Variants in CEP192 observed in about 807,000 individuals in gnomAD.
The protein encoded by CEP192 is centrosomal protein of 192 kDa.
A neutral mutation model predicts 271.8 loss-of-function variants in CEP192; 151 were observed. That is an observed-to-expected ratio of 0.56 (90% confidence interval 0.49 to 0.64). The LOEUF (loss-of-function observed/expected upper bound fraction) is 0.64, where lower values mean the gene tolerates loss of function less well. Ranked by LOEUF, CEP192 falls within the 30% of genes least tolerant of loss-of-function variation. CEP192 has a pLI of 0.00. For synonymous variants in CEP192, 995 were observed against 1,076.5 expected, an observed-to-expected ratio of 0.92 and a Z score of 1.48; for missense variants, 2,910 against 3,020.5, an observed-to-expected ratio of 0.96 and a Z score of 0.86.
At chr18:13,113,989 G>A in intron 41 of CEP192, 141 bp from the exon 42 acceptor site, 1 of 946,714 alleles carries the variant, frequency 1.1e-6, no homozygotes, top group South Asian at 1.7e-5. Context: ...AGAGTACAGA[G>A]CTTGCAATTT....
intron 30 of CEP192, among the ~76,000 whole-genome samples, chr18:13,086,765 C>G (rs998885185): frequency 6.6e-6 from 1 of 152,186 alleles, no homozygotes; most frequent in Non-Finnish European, 1.5e-5. Flanking sequence ...GTCATCAAAG[C>G]TTGGCTTTTG....
chr18:13,028,650 G>C (rs537096349), intron 9 of CEP192, among the ~76,000 whole-genome samples: 24 of 152,112 alleles, frequency 1.6e-4, no homozygotes, highest in Non-Finnish European at 3.1e-4. Context: ...CTCCCGAGTA[G>C]CTGGGATTAC....
chr18:13,097,979 A>G (rs1264955885), intron 36 of CEP192, among the ~76,000 whole-genome samples: 5 of 152,164 alleles, frequency 3.3e-5, no homozygotes, highest in Non-Finnish European at 5.9e-5. Context: ...ATAGATCAAC[A>G]GGATCCCAAG....
At chr18:13,065,305 T>C (rs1251546654) in intron 21 of CEP192, among the ~76,000 whole-genome samples, 1 of 152,172 alleles carries the variant, frequency 6.6e-6, no homozygotes, top group Admixed American at 6.6e-5. Flanking sequence ...ATATAAAAGT[T>C]TGTGTATGTT....
chr18:13,031,250 T>TTC (rs2035608671), intron 11 of CEP192, among the ~76,000 whole-genome samples: 1 of 143,534 alleles, frequency 7.0e-6, no homozygotes, highest in East Asian at 2.0e-4. Flanking sequence ...GTTGTTTTTT[T>TTC]TTTTTTTTTT....
rs116480561 is a variant in CEP192, at chr18:13,026,055, A to G, written c.1051-3608A>G. Among the ~76,000 whole-genome samples, 1,305 of 152,342 alleles carry G rather than the reference A, an allele frequency of 8.6e-3. 30 individuals carry two copies. Among genetic ancestry groups the G allele is most frequent in the African/African-American group, 0.03 (1,252 of 41,578 alleles). ...TTCTTGCAAGGCAGGTCTGCTGGCA[A>G]CAAATGCCTTCAATTTTTGCTTGTC... On this transcript the variant is annotated intron_variant, in intron 9 of 44. Coordinates refer to ENST00000506447, the MANE Select transcript of CEP192 (RefSeq NM_032142.4).
At chr18:13,120,660 T>C (rs554754124) in intron 44 of CEP192, among the ~76,000 whole-genome samples, 3 of 152,350 alleles carry the variant, frequency 2.0e-5, no homozygotes, top group Admixed American at 6.5e-5. Context: ...AATGAAATAA[T>C]TTTATACTCT....
intron 3 of CEP192, among the ~76,000 whole-genome samples, chr18:13,005,527 G>T (rs112812692): frequency 7.2e-5 from 11 of 152,312 alleles, no homozygotes; most frequent in African/African-American, 2.6e-4. Context: ...GACTCTTGCT[G>T]GAGGCCAGGA....
chr18:13,095,634 C>T lies in CEP192; in HGVS notation c.6386C>T (p.Pro2129Leu), dbSNP rs774368846. 5.6e-6 allele frequency: 9 copies of T among 1,614,058 alleles called. No individual in the cohort carries two copies. The highest frequency in any genetic ancestry group is 1.3e-5 in the African/African-American group (1 of 74,926). Residue 2129 changes from proline (P) to leucine (L), a missense_variant, in exon 35 of 45, where the codon CCG (proline) becomes CTG (leucine). By Grantham distance (98) the Pro-to-Leu change is moderately conservative. Coordinates refer to ENST00000506447, the MANE Select transcript of CEP192 (RefSeq NM_032142.4). The stretch of plus-strand genomic sequence containing the variant: ...CTGGATCAGCTGGCCTCCGAAGAGC[C>T]GTGGACTGTCCTACCCGAGCACTTG... The part of the protein sequence containing the change: ...PPLDQLASEE[P>L]WTVLPEHLIL...
intron 21 of CEP192, among the ~76,000 whole-genome samples, chr18:13,062,051 T>C (rs2037436314): frequency 6.6e-6 from 1 of 152,210 alleles, no homozygotes; most frequent in South Asian, 2.1e-4. Flanking sequence ...GGCTCACATA[T>C]ATCAGTGGTG....
chr18:13,041,809 GC>G (rs1555715741), intron 14 of CEP192, among the ~76,000 whole-genome samples: 3 of 151,950 alleles, frequency 2.0e-5, no homozygotes, highest in Non-Finnish European at 4.4e-5. Flanking sequence ...CAAGTGATCC[GC>G]CCACCTCAGA....
At chr18:13,025,028 T>C (rs1197358793) in intron 9 of CEP192, among the ~76,000 whole-genome samples, 1 of 152,178 alleles carries the variant, frequency 6.6e-6, no homozygotes, top group Admixed American at 6.5e-5. Flanking sequence ...CGCCTTGGCC[T>C]CCCAAAGTGC....
intron 30 of CEP192, among the ~76,000 whole-genome samples, chr18:13,084,619 C>G (rs906282229): frequency 3.9e-5 from 6 of 152,086 alleles, no homozygotes; most frequent in African/African-American, 1.4e-4. Flanking sequence ...GCTCACCCTC[C>G]GTGGGCTGCA....
intron 40 of CEP192, among the ~76,000 whole-genome samples, chr18:13,108,792 G>A (rs1022251809): frequency 5.3e-5 from 8 of 152,142 alleles, no homozygotes; most frequent in African/African-American, 1.2e-4. Context: ...GAAGGATCAC[G>A]TGAACCCAGG....
chr18:13,029,297 A>T (rs1040228487), intron 9 of CEP192, among the ~76,000 whole-genome samples: 9 of 152,230 alleles, frequency 5.9e-5, no homozygotes. Flanking sequence ...TATTAATTTT[A>T]TGAGGCTAGT....
At chr18:13,078,285 G>T (rs2038396629) in intron 30 of CEP192, among the ~76,000 whole-genome samples, 1 of 152,124 alleles carries the variant, frequency 6.6e-6, no homozygotes, top group African/African-American at 2.4e-5. Flanking sequence ...TGGCTGTATA[G>T]TATTCTATGG....
chr18:13,098,436 G>A (rs536883186), intron 36 of CEP192, among the ~76,000 whole-genome samples: 42 of 145,846 alleles, frequency 2.9e-4, no homozygotes, highest in African/African-American at 8.6e-4. Flanking sequence ...GGCGGCTGCC[G>A]GGCGGAGGGT....
At chr18:13,046,374 A>T (rs955245777) in intron 15 of CEP192, among the ~76,000 whole-genome samples, 1 of 152,200 alleles carries the variant, frequency 6.6e-6, no homozygotes, top group African/African-American at 2.4e-5. Flanking sequence ...GGGGCATCCA[A>T]CTATATCACA....
intron 30 of CEP192, 79 bp downstream of exon 30, chr18:13,073,264 A>G: frequency 2.4e-6 from 3 of 1,240,974 alleles, no homozygotes; most frequent in Non-Finnish European, 1.1e-6. Flanking sequence ...TGTAAATTAT[A>G]CAGTCTGCCT....
Sources: gnomAD v4.1 joint callset for allele counts (sites outside exome capture counted in the v4.1 genomes callset) on GRCh38, gnomAD v4.1.1 for gene constraint, MANE v1.5 for transcripts, NCBI Gene and HGNC (gene_info 2026-07-23, HGNC 2026-07-21) for gene names.